RAB11FIP2: variants seen among roughly 807,000 people sequenced by gnomAD.
RAB11FIP2 encodes rab11 family-interacting protein 2.
RAB11FIP2 carries 16 observed loss-of-function variants against 40.9 expected under a neutral mutation model. The ratio of observed to expected loss-of-function variants is 0.39; its 90% CI spans 0.26 to 0.59. The LOEUF is 0.59. Among genes scored for constraint, RAB11FIP2 ranks in the 20% least tolerant of loss-of-function variants. RAB11FIP2 has a pLI of 0.53. For missense variants in RAB11FIP2, 532 were observed against 606.2 expected (o/e 0.88, Z 1.28); for synonymous variants, 228 against 213.7 (o/e 1.07, Z -0.58).
At chr10:118,024,856 G>C (rs1056773281) in intron 3 of RAB11FIP2, among the ~76,000 whole-genome samples, 1 of 152,130 alleles carries the variant, frequency 6.6e-6, no homozygotes, top group African/African-American at 2.4e-5. Flanking sequence ...TTACCAGGAA[G>C]GCCTCAGGTG....
chr10:118,021,312 A>T (rs1443011547), intron 3 of RAB11FIP2, among the ~76,000 whole-genome samples: 1 of 152,220 alleles, frequency 6.6e-6, no homozygotes, highest in Non-Finnish European at 1.5e-5. Flanking sequence ...CACAAACTGA[A>T]TTTCTCTGAA....
At chr10:118,034,368 AGAAAT>A (rs1325487409) in intron 3 of RAB11FIP2, among the ~76,000 whole-genome samples, 39 of 151,842 alleles carry the variant, frequency 2.6e-4, no homozygotes, top group African/African-American at 9.2e-4. Flanking sequence ...AAAAAAAAAA[AGAAAT>A]GAAATGAACA....
At chr10:118,031,203 T>C (rs1461608336) in intron 3 of RAB11FIP2, among the ~76,000 whole-genome samples, 4 of 152,076 alleles carry the variant, frequency 2.6e-5, no homozygotes, top group Non-Finnish European at 5.9e-5. Context: ...ATCCTTTGCA[T>C]ATTAAGGTTT....
chr10:118,025,811 A>G (rs1846335927), intron 3 of RAB11FIP2, among the ~76,000 whole-genome samples: 1 of 152,186 alleles, frequency 6.6e-6, no homozygotes, highest in East Asian at 1.9e-4. Context: ...GTCTTCACAG[A>G]TCCATCCTTC....
chr10:118,039,520 TGCTTTTAGAATGAGA>T (rs1846526974), intron 2 of RAB11FIP2, 80 bp from the exon 3 acceptor site: 1 of 1,233,826 alleles, frequency 8.1e-7, no homozygotes, highest in African/African-American at 1.5e-5. Context: ...TGCATTCTGC[TGCTTTTAGAATGAGA>T]GCAATTAGCC....
chr10:118,040,049 T>G (rs1846534699), intron 2 of RAB11FIP2, 74 bp downstream of exon 2: 9 of 1,408,334 alleles, frequency 6.4e-6, no homozygotes, highest in African/African-American at 1.4e-5. Context: ...TTTGATTTAC[T>G]AAATTTAGAA....
At chr10:118,015,635 A>G (rs1421101036) in intron 3 of RAB11FIP2, among the ~76,000 whole-genome samples, 2 of 152,202 alleles carry the variant, frequency 1.3e-5, no homozygotes, top group Non-Finnish European at 2.9e-5. Context: ...TTCTCTCGTT[A>G]ATGTGATTTC....
chr10:118,040,204 C>G lies in RAB11FIP2; in HGVS notation c.715G>C (p.Glu239Gln), dbSNP rs756968993. ...SDLSGSHMSS[E>Q]KLKAGTIGQT... ...CCTATGGTGCCAGCCTTCAGTTTCT[C>G]AGAAGACATATGGGACCCAGATAAA... The change falls in exon 2 of 5, where the codon GAG (glutamate) becomes CAG (glutamine). Residue 239 changes from glutamate (E) to glutamine (Q), a missense_variant. Coordinates refer to ENST00000355624, the MANE Select transcript of RAB11FIP2 (RefSeq NM_014904.3). 32 of 1,613,716 alleles carry G rather than the reference C, an allele frequency of 2.0e-5. No individual in the cohort carries two copies. The South Asian group carries it at 2.3e-4, about 12-fold the overall frequency.
intron 3 of RAB11FIP2, among the ~76,000 whole-genome samples, chr10:118,016,969 A>T (rs1423482677): frequency 6.6e-6 from 1 of 152,260 alleles, no homozygotes; most frequent in Non-Finnish European, 1.5e-5. Context: ...ATTATTTCAT[A>T]AACTTTTACA....
chr10:118,013,434 T>C (rs1846180180), intron 4 of RAB11FIP2, among the ~76,000 whole-genome samples: 1 of 152,098 alleles, frequency 6.6e-6, no homozygotes, highest in African/African-American at 2.4e-5. Context: ...CAGACAGGTG[T>C]TGGCACTAGC....
rs1589650710 is a variant in RAB11FIP2 at position 118,046,141 on chromosome 10, T to C, written c.23A>G (p.Gln8Arg). 1 of 1,614,068 alleles carries C rather than the reference T, an allele frequency of 6.2e-7. No individual in the cohort carries two copies. Among genetic ancestry groups the C allele is most frequent in the East Asian group, 2.2e-5 (1 of 44,884 alleles). MMLSEQA[Q>R]KWFPTHVQVT... ...CTGCACGTGGGTTGGAAACCACTTT[T>C]GGGCTTGCTCGGACAGCATCATCCT... is the stretch of plus-strand genomic sequence containing the variant. Residue 8 changes from glutamine to arginine, a missense_variant, in exon 1 of 5, where the codon CAA becomes CGA. Coordinates refer to ENST00000355624, the MANE Select transcript of RAB11FIP2 (RefSeq NM_014904.3).
chr10:118,022,968 A>G (rs1030727031), intron 3 of RAB11FIP2, among the ~76,000 whole-genome samples: 1 of 152,232 alleles, frequency 6.6e-6, no homozygotes, highest in Admixed American at 6.5e-5. Flanking sequence ...GATTACTTAT[A>G]TCTATACCTG....
At chr10:118,021,480 T>C (rs1377483551) in intron 3 of RAB11FIP2, among the ~76,000 whole-genome samples, 1 of 152,190 alleles carries the variant, frequency 6.6e-6, no homozygotes, top group Non-Finnish European at 1.5e-5. Flanking sequence ...AATCCACCTG[T>C]ATTTACTCAC....
rs1012128822 is a variant in RAB11FIP2, at chr10:118,045,829, T to C, written c.335A>G (p.Lys112Arg). The C allele has an allele frequency of 1.9e-6, 3 of 1,604,908 alleles. No individual in the cohort carries two copies. The East Asian group carries it at 6.7e-5, about 36-fold the overall frequency. The change falls in exon 1 of 5, where the codon AAA (lysine) becomes AGA (arginine). Residue 112 changes from lysine to arginine, a missense_variant. Coordinates refer to ENST00000355624, the MANE Select transcript of RAB11FIP2 (RefSeq NM_014904.3). ...AACTTACTCTGTTTTCCTTCTTTGT[T>C]TGTCCTCAAAGATGTCATTGAGATT... ...AINLNDIFED[K>R]QRRKTEWFRL...
chr10:118,025,169 A>G (rs1846328698), intron 3 of RAB11FIP2, among the ~76,000 whole-genome samples: 1 of 152,230 alleles, frequency 6.6e-6, no homozygotes, highest in South Asian at 2.1e-4. Flanking sequence ...AAAAGAATAT[A>G]TTGTTTTGTG....
chr10:118,046,000 G>C lies in RAB11FIP2; in HGVS notation c.164C>G (p.Thr55Ser). Residue 55 changes from threonine (T) to serine (S), a missense_variant, in exon 1 of 5, where the codon ACC becomes AGC. Coordinates refer to ENST00000355624, the MANE Select transcript of RAB11FIP2 (RefSeq NM_014904.3). ...CTCCTCCTTCCAAACTGGCTCAAGG[G>C]TTTTCTCAGCTACAGAGGTGGAGTA... ...EKYSTSVAEK[T>S]LEPVWKEEAS... 6.2e-7 allele frequency: 1 copy of C among 1,614,188 alleles called. No homozygotes were observed. Among genetic ancestry groups the C allele is most frequent in the Middle Eastern group, 1.6e-4 (1 of 6,062 alleles).
At position 118,005,193 on chromosome 10, in the gene RAB11FIP2, A is replaced by G. The variant is rs374423591; in HGVS notation, c.*3805T>C. ...GCAGCATTTTTTTGTACCTCAAAAC[A>G]CAAACCATCTGGAAGCTTCGAAGAC... On this transcript the variant is annotated 3_prime_UTR_variant, in exon 5 of 5. Coordinates refer to ENST00000355624, the MANE Select transcript of RAB11FIP2 (RefSeq NM_014904.3). The G allele has an allele frequency of 9.2e-5, 14 of 152,678 alleles. No individual in the cohort carries two copies. The highest frequency in any genetic ancestry group is 3.4e-4 in the African/African-American group (14 of 41,470). 9.5% of individuals were successfully genotyped at this position (152,678 alleles called of 1,614,324 possible).
rs1368370174 is a variant in RAB11FIP2, at chr10:118,005,851, C to G, written c.*3147G>C. 1 of 152,044 alleles carries G rather than the reference C, an allele frequency of 6.6e-6. No individual in the cohort carries two copies. Among genetic ancestry groups the G allele is most frequent in the Non-Finnish European group, 1.5e-5 (1 of 67,916 alleles). The allele number at this position is 152,044 out of a possible 1,614,324, so 9.4% of individuals were successfully genotyped here. A position where few individuals can be genotyped will look rare whatever the true frequency, so the allele number is the denominator to read the frequency against. On this transcript the variant is annotated 3_prime_UTR_variant, in exon 5 of 5. Coordinates refer to ENST00000355624, the MANE Select transcript of RAB11FIP2 (RefSeq NM_014904.3). ...GGTGAGGGAGTTGCTGGAGGAATAA[C>G]AAGAAGAAAACAAGTCTGTCACTAA...
chr10:118,008,891 T>C lies in RAB11FIP2; in HGVS notation c.*107A>G, dbSNP rs1162884220. ...CTACTCTTCACAATAAAGGAGAATATGTAATGAAACCTGATAGTGTAGTCT... is the reference window on the plus strand; with the variant it reads ...CTACTCTTCACAATAAAGGAGAATACGTAATGAAACCTGATAGTGTAGTCT... On this transcript the variant is annotated 3_prime_UTR_variant, in exon 5 of 5. Transcript: ENST00000355624. 3.2e-5 allele frequency: 28 copies of C among 874,640 alleles called. No homozygotes were observed. Among genetic ancestry groups the C allele is most frequent in the Non-Finnish European group, 4.5e-5 (25 of 557,222 alleles). 54.2% of individuals were successfully genotyped at this position (874,640 alleles called of 1,614,324 possible). A position where few individuals can be genotyped will look rare whatever the true frequency, so the allele number is the denominator to read the frequency against.
Sources: allele counts gnomAD v4.1 joint callset (sites outside exome capture counted in the v4.1 genomes callset), GRCh38; gene constraint gnomAD v4.1.1; transcripts MANE v1.5; gene names NCBI Gene and HGNC (gene_info 2026-07-23, HGNC 2026-07-21).